TRANK1: variants seen among roughly 807,000 people sequenced by gnomAD.
TRANK1 encodes tetratricopeptide repeat and ankyrin repeat containing 1, also known as TPR and ankyrin repeat-containing protein 1.
A neutral mutation model predicts 266.0 loss-of-function variants in TRANK1; 198 were observed. The ratio of observed to expected loss-of-function variants is 0.74; its 90% CI spans 0.66 to 0.84. The LOEUF is 0.84. Ranked by LOEUF, TRANK1 falls within the 40% of genes least tolerant of loss-of-function variation. TRANK1 has a pLI of 0.00. For missense variants in TRANK1, 3,326 were observed against 3,634.6 expected, an observed-to-expected ratio of 0.92 and a Z score of 2.18; for synonymous variants, 1,396 against 1,384.1, an observed-to-expected ratio of 1.01 and a Z score of -0.19.
rs2080167433 is a variant in TRANK1 at position 36,918,586 on chromosome 3, GGAAGGAAGGAAGGAAGGAAGGAAA to G, written c.24-10156_24-10133del. Reference sequence around the variant, plus strand: ...AGGTAGGAAGGAAGGAAGGAAGGAAGGAAGGAAGGAAGGAAGGAAGGAAAGAAAGAAAGAAAGAAAGAAAGAAAG... The same window carrying G: ...AGGTAGGAAGGAAGGAAGGAAGGAAGGAAAGAAAGAAAGAAAGAAAGAAAG... On this transcript the variant is annotated intron_variant, in intron 1 of 23. Coordinates refer to ENST00000645898, the MANE Select transcript of TRANK1 (RefSeq NM_001329998.2). 3.5e-4 allele frequency among the ~76,000 whole-genome samples: 27 copies of G among 76,276 alleles called. 1 individual carries two copies. Among genetic ancestry groups the G allele is most frequent in the Middle Eastern group, 7.0e-3 (1 of 142 alleles). 50.0% of individuals were successfully genotyped at this position (76,276 alleles called of 152,430 possible). A position where few individuals can be genotyped will look rare whatever the true frequency, so the allele number is the denominator to read the frequency against.
rs1403164454 is a variant in TRANK1, at chr3:36,855,588, C to T, written c.4134G>A (p.Arg1378=). ...LTEEVYKKLG[R]KRCPNFKEDR... The stretch of plus-strand genomic sequence containing the variant: ...CTTCCTTGAAATTGGGGCACCGTTT[C>T]CTCCCTAATTTCTTATATACTTCTT... Residue 1378 remains arginine, a synonymous_variant, in exon 13 of 24, where the codon AGG becomes AGA. Coordinates refer to ENST00000645898, the MANE Select transcript of TRANK1 (RefSeq NM_001329998.2). 6.2e-7 allele frequency: 1 copy of T among 1,613,874 alleles called. No individual in the cohort carries two copies. The highest frequency in any genetic ancestry group is 8.5e-7 in the Non-Finnish European group (1 of 1,179,860).
At chr3:36,887,940 T>G (rs770720125) in intron 8 of TRANK1, among the ~76,000 whole-genome samples, 2 of 152,178 alleles carry the variant, frequency 1.3e-5, no homozygotes, top group Non-Finnish European at 2.9e-5. Context: ...TGGGAAACAG[T>G]CTGGCAGTTC....
chr3:36,832,647 G>A lies in TRANK1; in HGVS notation c.6936C>T (p.His2312=). 1 of 1,613,974 alleles carries A rather than the reference G, an allele frequency of 6.2e-7. No homozygotes were observed. Among genetic ancestry groups the A allele is most frequent in the Non-Finnish European group, 8.5e-7 (1 of 1,179,890 alleles). Residue 2312 remains histidine (H), a synonymous_variant, in exon 22 of 24, where the codon CAC becomes CAT. Coordinates refer to ENST00000645898, the MANE Select transcript of TRANK1 (RefSeq NM_001329998.2). The part of the protein sequence containing the change: ...FYRFALKEYI[H]FLFENESARN... ...GTGCGCTTTCATTTTCAAACAGAAA[G>A]TGGATGTACTCCTTCAAAGCAAATC...
intron 8 of TRANK1, among the ~76,000 whole-genome samples, chr3:36,889,211 C>G (rs1273015114): frequency 6.6e-6 from 1 of 152,156 alleles, no homozygotes; most frequent in African/African-American, 2.4e-5. Context: ...TCTTCTCTAT[C>G]CCAAACAGAA....
Position 36,833,681 on chromosome 3 carries a change from G to T in TRANK1, c.5902C>A (p.Leu1968Met). 1 of 1,614,032 alleles carries T rather than the reference G, an allele frequency of 6.2e-7. No individual in the cohort carries two copies. The highest frequency in any genetic ancestry group is 8.5e-7 in the Non-Finnish European group (1 of 1,179,892). Residue 1968 changes from leucine to methionine, a missense_variant, in exon 22 of 24, where the codon CTG becomes ATG. Coordinates refer to ENST00000645898, the MANE Select transcript of TRANK1 (RefSeq NM_001329998.2). ...REGRREEAAL[L>M]MKQHGCLLEA... ...AGGAGGCAGCCATGTTGCTTCATCA[G>T]CAGGGCAGCCTCTTCTCTCCTACCT...
In TRANK1 at chr3:36,857,092, T is replaced by C. The variant is rs772921874; in HGVS notation, c.2630A>G (p.Lys877Arg). The change falls in exon 13 of 24, where the codon AAG becomes AGG. Residue 877 changes from lysine to arginine, a missense_variant. By Grantham distance (26) the Lys-to-Arg change is conservative. Transcript: ENST00000645898. The surrounding 1 kb of genome is among the most constrained non-coding windows in gnomAD (Gnocchi z 4.3). The part of the protein sequence containing the change: ...GNGEWTQGLQ[K>R]RLKHLKGSIQ... ...GCTTCCTTTCAGGTGCTTCAGTCGC[T>C]TCTGCAGGCCCTGGGTCCACTCGCC... The C allele has an allele frequency of 6.2e-7, 1 of 1,614,042 alleles. No individual in the cohort carries two copies. The highest frequency in any genetic ancestry group is 8.5e-7 in the Non-Finnish European group (1 of 1,179,884).
At position 36,880,425 on chromosome 3, in the gene TRANK1, T is replaced by A; in HGVS notation, c.908-6129A>T. 1.8e-5 allele frequency: 5 copies of A among 282,894 alleles called. No homozygotes were observed. In the South Asian group the frequency reaches 1.9e-4, roughly 11 times the overall value. The allele number at this position is 282,894 out of a possible 1,614,324, so 17.5% of individuals were successfully genotyped here. A position where few individuals can be genotyped will look rare whatever the true frequency, so the allele number is the denominator to read the frequency against. The stretch of plus-strand genomic sequence containing the variant: ...ATCTCTTTCCTTTGATTTGCTCTCA[T>A]CAGATTTACTGTGAGATAAAGTATT... On this transcript the variant is annotated intron_variant, in intron 8 of 23. Coordinates refer to ENST00000645898, the MANE Select transcript of TRANK1 (RefSeq NM_001329998.2).
intron 10 of TRANK1, among the ~76,000 whole-genome samples, chr3:36,863,411 T>C (rs1316298578): frequency 6.6e-6 from 1 of 152,188 alleles, no homozygotes; most frequent in Non-Finnish European, 1.5e-5. Context: ...GCTCCCTAGA[T>C]GTGGTTTGTA....
At chr3:36,846,089 A>G (rs896101405) in intron 17 of TRANK1, among the ~76,000 whole-genome samples, 159 bp downstream of exon 17, 2 of 152,208 alleles carry the variant, frequency 1.3e-5, no homozygotes, top group African/African-American at 4.8e-5. Context: ...ACACTTTCCC[A>G]TGCACCTTGG....
intron 9 of TRANK1, among the ~76,000 whole-genome samples, chr3:36,873,920 G>A (rs1487913016): frequency 8.5e-5 from 12 of 141,448 alleles, no homozygotes; most frequent in African/African-American, 2.9e-4. Flanking sequence ...GAATGTCATA[G>A]CATCTCTCTA....
intron 20 of TRANK1, among the ~76,000 whole-genome samples, chr3:36,835,848 T>C (rs2078764388): frequency 2.0e-5 from 3 of 152,036 alleles, no homozygotes; most frequent in South Asian, 2.1e-4. Context: ...AGTTAAAGAG[T>C]CACACATGGC....
In TRANK1 at chr3:36,850,762, A is replaced by C. The variant is rs955876000; in HGVS notation, c.4887+957T>G. On this transcript the variant is annotated intron_variant, in intron 15 of 23. Coordinates refer to ENST00000645898, the MANE Select transcript of TRANK1 (RefSeq NM_001329998.2). ...AATAGTTGTGCTATTAAGGCAAAAT[A>C]ACATTTAAAAAATGATAAGAAAAAA... 4 of 985,316 alleles carry C rather than the reference A, an allele frequency of 4.1e-6. No homozygotes were observed. In the African/African-American group the frequency reaches 7.0e-5, roughly 17 times the overall value. The allele number at this position is 985,316 out of a possible 1,614,324, so 61.0% of individuals were successfully genotyped here. A position where few individuals can be genotyped will look rare whatever the true frequency, so the allele number is the denominator to read the frequency against.
At chr3:36,889,400 G>T (rs2079655058) in intron 8 of TRANK1, among the ~76,000 whole-genome samples, 2 of 152,200 alleles carry the variant, frequency 1.3e-5, no homozygotes, top group Admixed American at 6.5e-5. Flanking sequence ...GCCCCAGCAG[G>T]TATGGGAAGA....
In TRANK1 at chr3:36,857,444, G is replaced by T. The variant is rs1437891179; in HGVS notation, c.2278C>A (p.Leu760Met). The change falls in exon 13 of 24, where the codon CTG becomes ATG. Residue 760 changes from leucine (L) to methionine (M), a missense_variant. Leu to Met is a conservative substitution (Grantham distance 15). Coordinates refer to ENST00000645898, the MANE Select transcript of TRANK1 (RefSeq NM_001329998.2). This position sits in a 1 kb window ranked among gnomAD's most constrained non-coding sequence, Gnocchi z 4.3. ...CCTTCTTTGCCAGCTCCTGCCTCCAGAGGCTCAGAGCTCTGAAGACAGTCC... is the reference window on the plus strand; with the variant it reads ...CCTTCTTTGCCAGCTCCTGCCTCCATAGGCTCAGAGCTCTGAAGACAGTCC... Reference protein sequence around the residue: ...PEDCLQSSEPLEAGAGKEGKK... With the variant: ...PEDCLQSSEPMEAGAGKEGKK... 3 of 1,613,816 alleles carry T rather than the reference G, an allele frequency of 1.9e-6. No homozygotes were observed. Among genetic ancestry groups the T allele is most frequent in the Non-Finnish European group, 2.5e-6 (3 of 1,179,890 alleles).
intron 17 of TRANK1, among the ~76,000 whole-genome samples, chr3:36,845,063 A>T (rs1287264666): frequency 6.6e-6 from 1 of 152,224 alleles, no homozygotes; most frequent in Non-Finnish European, 1.5e-5. Context: ...ACAATTAAAA[A>T]AAAACCCTGC....
At chr3:36,944,648 C>T in intron 1 of TRANK1, 139 bp downstream of exon 1, 1 of 1,004,420 alleles carries the variant, frequency 1.0e-6, no homozygotes. Flanking sequence ...TGGCTGTGGG[C>T]CCCACAGGGA....
chr3:36,828,282 T>A lies in TRANK1; in HGVS notation c.8903A>T (p.Lys2968Ile). 6.2e-7 allele frequency: 1 copy of A among 1,610,784 alleles called. No individual in the cohort carries two copies. The highest frequency in any genetic ancestry group is 8.5e-7 in the Non-Finnish European group (1 of 1,178,326). ...RRSRKCGKQR[K>I]Y ...GCTGCAGCTGTGTGGACATTAGTAT[T>A]TTCTCTGCTTTCCACATTTCCGAGA... The change falls in exon 24 of 24, where the codon AAA becomes ATA. Residue 2968 changes from lysine (K) to isoleucine (I), a missense_variant. Lys to Ile is a moderately radical substitution (Grantham distance 102, BLOSUM62 -3). Transcript: ENST00000645898.
intron 3 of TRANK1, among the ~76,000 whole-genome samples, chr3:36,902,825 C>T (rs1490965517): frequency 6.6e-6 from 1 of 152,232 alleles, no homozygotes; most frequent in Non-Finnish European, 1.5e-5. Flanking sequence ...CTGTGATCTC[C>T]ATTGTGCTCC....
chr3:36,925,733 G>A (rs1344351455), intron 1 of TRANK1, among the ~76,000 whole-genome samples: 1 of 151,942 alleles, frequency 6.6e-6, no homozygotes, highest in Admixed American at 6.6e-5. Context: ...TGGGACTACA[G>A]GCACACACCA....
Sources: allele counts gnomAD v4.1 joint callset (sites outside exome capture counted in the v4.1 genomes callset), GRCh38; gene constraint gnomAD v4.1.1; non-coding constraint Gnocchi (gnomAD v3.1); transcripts MANE v1.5; gene names NCBI Gene and HGNC (gene_info 2026-07-23, HGNC 2026-07-21).